Variants in CDH2 observed in about 807,000 individuals in gnomAD.
CDH2 encodes cadherin 2.
A neutral mutation model predicts 92.0 loss-of-function variants in CDH2; 17 were observed. The ratio of observed to expected loss-of-function variants is 0.18; its 90% confidence interval spans 0.13 to 0.28. The LOEUF is 0.28. Ranked by LOEUF, CDH2 falls within the 10% of genes least tolerant of loss-of-function variation. The pLI, the probability that CDH2 is intolerant of heterozygous loss-of-function variation, is 1.00. For synonymous variants in CDH2, 419 were observed against 415.9 expected, an observed-to-expected ratio of 1.01 and a Z score of -0.09; for missense variants, 862 against 1,133.1, an observed-to-expected ratio of 0.76 and a Z score of 3.44.
At chr18:28,119,843 G>A (rs145322720) in intron 2 of CDH2, among the ~76,000 whole-genome samples, 191 of 152,088 alleles carry the variant, frequency 1.3e-3, no homozygotes, top group Non-Finnish European at 2.2e-3. Flanking sequence ...CAGGTCATGC[G>A]TTTAAAAAGA....
At chr18:28,023,293 G>C (rs940211335) in intron 2 of CDH2, among the ~76,000 whole-genome samples, 1 of 151,986 alleles carries the variant, frequency 6.6e-6, no homozygotes, top group Admixed American at 6.6e-5. Context: ...TGCCACTAGG[G>C]CCAGAGCACC....
At chr18:28,052,252 A>G (rs778425832) in intron 2 of CDH2, among the ~76,000 whole-genome samples, 30 of 152,212 alleles carry the variant, frequency 2.0e-4, no homozygotes, top group Non-Finnish European at 3.8e-4. Context: ...CATGGGAAGT[A>G]ATTTGTGTAA....
intron 1 of CDH2, among the ~76,000 whole-genome samples, chr18:28,174,729 AAC>A (rs2144376667): frequency 1.3e-5 from 2 of 152,362 alleles, no homozygotes; most frequent in South Asian, 4.1e-4. Context: ...CTCCACTTGT[AAC>A]ACACATAGAT....
chr18:28,138,453 T>C (rs1294986560), intron 2 of CDH2, among the ~76,000 whole-genome samples: 4 of 152,096 alleles, frequency 2.6e-5, no homozygotes, highest in Non-Finnish European at 4.4e-5. Flanking sequence ...CTCAGTACCA[T>C]GTATCAAGAC....
chr18:28,090,854 A>G lies in CDH2; in HGVS notation c.172+56819T>C, dbSNP rs191946056. ...TGTATCTTACTGGTTTGGGGAAGAA[A>G]AAATAATCCTTTTATTCCTTTTCAC... On this transcript the variant is annotated intron_variant, in intron 2 of 15. Transcript: ENST00000269141. Among the ~76,000 whole-genome samples the G allele has an allele frequency of 3.1e-4, 47 of 152,336 alleles. No individual in the cohort carries two copies. The East Asian group carries it at 8.7e-3, about 28-fold the overall frequency.
At chr18:27,970,795 T>G (rs1467052119) in intron 14 of CDH2, among the ~76,000 whole-genome samples, 5 of 152,226 alleles carry the variant, frequency 3.3e-5, no homozygotes, top group Admixed American at 2.6e-4. Flanking sequence ...GGGGGCCAGA[T>G]AGTCCATGTC....
chr18:28,007,163 AAAATATATAT>A (rs1408476105), intron 5 of CDH2, among the ~76,000 whole-genome samples: 1 of 115,920 alleles, frequency 8.6e-6, no homozygotes, highest in African/African-American at 4.1e-5. Context: ...CCATAAAAAA[AAAATATATAT>A]ATATATATAT....
At chr18:28,103,482 C>CACATAAAGTATGTATATATAT (rs2015269054) in intron 2 of CDH2, among the ~76,000 whole-genome samples, 1 of 19,422 alleles carries the variant, frequency 5.1e-5, no homozygotes, top group African/African-American at 1.6e-4. Context: ...TATATATATA[C>CACATAAAGTATGTATATATAT]ACACACACAC....
intron 2 of CDH2, among the ~76,000 whole-genome samples, chr18:28,059,840 A>T (rs1211740450): frequency 6.6e-6 from 1 of 152,228 alleles, no homozygotes; most frequent in Non-Finnish European, 1.5e-5. Flanking sequence ...ATTGGTTGAT[A>T]GGTCTCTTCT....
At chr18:27,997,696 C>G (rs965654277) in intron 7 of CDH2, among the ~76,000 whole-genome samples, 1 of 152,040 alleles carries the variant, frequency 6.6e-6, no homozygotes, top group Non-Finnish European at 1.5e-5. Flanking sequence ...TCATAAATCA[C>G]GGGTTTCAGG....
downstream of CDH2, among the ~76,000 whole-genome samples, chr18:27,947,288 T>TGA (rs1391647980): frequency 8.6e-4 from 130 of 151,890 alleles, no homozygotes; most frequent in Non-Finnish European, 1.3e-3. Context: ...TAGAGCCCAC[T>TGA]CATAATAGCA....
intron 2 of CDH2, among the ~76,000 whole-genome samples, chr18:28,088,603 ATGTAAGTC>A (rs2014980558): frequency 1.3e-5 from 2 of 152,086 alleles, no homozygotes; most frequent in African/African-American, 4.8e-5. Context: ...CCTGGGGCCT[ATGTAAGTC>A]TGTCCGAGAG....
rs1341438917 is a variant in CDH2, at chr18:28,006,075, T to C, written c.703-82A>G. ...ATACATCATCATAAGGCTACAAAAA[T>C]AGCAAGAATAAACTCACAGCTGAAA... On this transcript the variant is annotated intron_variant, in intron 5 of 15. Coordinates refer to ENST00000269141, the MANE Select transcript of CDH2 (RefSeq NM_001792.5). 7 of 1,127,246 alleles carry C rather than the reference T, an allele frequency of 6.2e-6. No homozygotes were observed. The Admixed American group carries it at 8.6e-5, about 14-fold the overall frequency. The allele number at this position is 1,127,246 out of a possible 1,614,324, so 69.8% of individuals were successfully genotyped here.
chr18:28,135,315 A>G (rs1349063952), intron 2 of CDH2, among the ~76,000 whole-genome samples: 1 of 152,196 alleles, frequency 6.6e-6, no homozygotes, highest in Non-Finnish European at 1.5e-5. Context: ...TGATCTACCA[A>G]TAGGCAGCCA....
intron 2 of CDH2, among the ~76,000 whole-genome samples, chr18:28,034,891 T>C (rs1397030905): frequency 2.6e-5 from 4 of 152,012 alleles, no homozygotes; most frequent in Admixed American, 2.6e-4. Flanking sequence ...CTAAAAGTAA[T>C]GGATGTCAAA....
chr18:28,056,776 T>C lies in CDH2; in HGVS notation c.173-42867A>G, dbSNP rs371114555. Among the ~76,000 whole-genome samples, 10 of 152,314 alleles carry C rather than the reference T, an allele frequency of 6.6e-5. No individual in the cohort carries two copies. In the East Asian group the frequency reaches 1.9e-3, roughly 29 times the overall value. ...TTGAGTCCCTGAAACCCTCCAAAAA[T>C]GTGTCTCTCCTCTTGTAAAAGAGAT... On this transcript the variant is annotated intron_variant, in intron 2 of 15. Coordinates refer to ENST00000269141, the MANE Select transcript of CDH2 (RefSeq NM_001792.5).
intron 2 of CDH2, among the ~76,000 whole-genome samples, chr18:28,121,552 C>T (rs2015587837): frequency 6.6e-6 from 1 of 152,162 alleles, no homozygotes; most frequent in Admixed American, 6.6e-5. Context: ...TCCCTAACTT[C>T]TTCCACAAAG....
intron 2 of CDH2, among the ~76,000 whole-genome samples, chr18:28,138,768 C>T (rs1015921052): frequency 6.6e-6 from 1 of 151,870 alleles, no homozygotes; most frequent in Non-Finnish European, 1.5e-5. Flanking sequence ...GAATGCCCTC[C>T]GAGCAAAAAA....
intron 14 of CDH2, among the ~76,000 whole-genome samples, chr18:27,980,206 T>C (rs1164762693): frequency 3.9e-5 from 6 of 152,146 alleles, no homozygotes; most frequent in Non-Finnish European, 8.8e-5. Context: ...ACAGGCTGGA[T>C]GAATTCACAT....
Sources: allele counts gnomAD v4.1 joint callset (sites outside exome capture counted in the v4.1 genomes callset), GRCh38; gene constraint gnomAD v4.1.1; transcripts MANE v1.5; gene names NCBI Gene and HGNC (gene_info 2026-07-23, HGNC 2026-07-21).